Variants in LRP1B observed in about 807,000 individuals in gnomAD.
LRP1B encodes low-density lipoprotein receptor-related protein 1B.
A neutral mutation model predicts 556.6 loss-of-function variants in LRP1B; 217 were observed. The observed-to-expected ratio is 0.39, with a 90% CI of 0.35 to 0.44. The LOEUF (loss-of-function observed/expected upper bound fraction) is 0.44. Among genes scored for constraint, LRP1B ranks in the 20% least tolerant of loss-of-function variants. LRP1B has a pLI of 1.00. For synonymous variants in LRP1B, 2,047 were observed against 1,865.8 expected, an observed-to-expected ratio of 1.10 and a Z score of -2.50; for missense variants, 5,053 against 5,620.8, an observed-to-expected ratio of 0.90 and a Z score of 3.23.
intron 35 of LRP1B, among the ~76,000 whole-genome samples, chr2:140,730,872 A>T (rs547001152): frequency 6.6e-6 from 1 of 152,098 alleles, no homozygotes; most frequent in South Asian, 2.1e-4. Context: ...TATGTTATTC[A>T]GTTCCCAGAG....
intron 1 of LRP1B, among the ~76,000 whole-genome samples, chr2:142,080,801 C>T (rs1412008433): frequency 6.6e-6 from 1 of 152,170 alleles, no homozygotes; most frequent in Admixed American, 6.5e-5. Flanking sequence ...CTCCTGGATA[C>T]TACACTTACC....
intron 15 of LRP1B, among the ~76,000 whole-genome samples, chr2:141,001,949 C>A (rs891139062): frequency 2.0e-5 from 3 of 152,082 alleles, no homozygotes; most frequent in Non-Finnish European, 4.4e-5. Flanking sequence ...TAAAGCATAT[C>A]TTTTCTCCCA....
Position 141,100,417 on chromosome 2 carries a change from C to A in LRP1B, c.1014-38144G>T, listed in dbSNP as rs543472960. Among the ~76,000 whole-genome samples the A allele has an allele frequency of 3.3e-5, 5 of 152,222 alleles. No individual in the cohort carries two copies. In the East Asian group the frequency reaches 9.7e-4, roughly 29 times the overall value. On this transcript the variant is annotated intron_variant, in intron 7 of 90. Coordinates refer to ENST00000389484, the MANE Select transcript of LRP1B (RefSeq NM_018557.3). The stretch of plus-strand genomic sequence containing the variant: ...ACATCCTACAAGGATTGCAAATAAG[C>A]CTTATTTCCCTCAAACACCTTTTCC...
intron 42 of LRP1B, among the ~76,000 whole-genome samples, chr2:140,601,085 C>CAA (rs5834760): frequency 7.4e-5 from 10 of 135,810 alleles, no homozygotes; most frequent in African/African-American, 1.9e-4. Context: ...GATTAAAATG[C>CAA]AAAAAAAAAA....
intron 1 of LRP1B, among the ~76,000 whole-genome samples, chr2:141,826,187 AT>A (rs1229653349): frequency 6.6e-6 from 1 of 151,776 alleles, no homozygotes. Context: ...TATAGAAAAA[AT>A]ATATATAAAT....
At chr2:140,801,126 G>T (rs1010377612) in intron 32 of LRP1B, among the ~76,000 whole-genome samples, 1 of 152,060 alleles carries the variant, frequency 6.6e-6, no homozygotes, top group African/African-American at 2.4e-5. Flanking sequence ...AAAGTGTCTT[G>T]CTGTGTGTTA....
intron 3 of LRP1B, among the ~76,000 whole-genome samples, chr2:141,362,355 C>A (rs192156825): frequency 6.6e-6 from 1 of 152,112 alleles, no homozygotes; most frequent in Non-Finnish European, 1.5e-5. Flanking sequence ...TTGGGAAGAA[C>A]GGTCTTAACA....
chr2:141,311,047 C>T (rs1167152709), intron 3 of LRP1B, among the ~76,000 whole-genome samples: 1 of 152,152 alleles, frequency 6.6e-6, no homozygotes, highest in Non-Finnish European at 1.5e-5. Context: ...ATCCTTCTAT[C>T]TTGCCAGCAT....
chr2:140,850,717 T>C (rs1692431991), intron 28 of LRP1B, among the ~76,000 whole-genome samples: 1 of 152,224 alleles, frequency 6.6e-6, no homozygotes, highest in African/African-American at 2.4e-5. Context: ...ACAACTTTTT[T>C]CTATACTGTC....
chr2:141,022,285 C>T (rs1444744687), intron 11 of LRP1B, among the ~76,000 whole-genome samples: 1 of 147,258 alleles, frequency 6.8e-6, no homozygotes, highest in Non-Finnish European at 1.5e-5. Context: ...TCTGTTTGTG[C>T]TTTGATTTTT....
At chr2:141,030,722 A>T (rs1698343720) in intron 11 of LRP1B, among the ~76,000 whole-genome samples, 1 of 152,068 alleles carries the variant, frequency 6.6e-6, no homozygotes. Flanking sequence ...ATATTTCTTC[A>T]AGTTATCTAA....
chr2:140,380,090 C>T (rs1683405687), intron 67 of LRP1B, among the ~76,000 whole-genome samples: 1 of 152,076 alleles, frequency 6.6e-6, no homozygotes, highest in Non-Finnish European at 1.5e-5. Context: ...AATTAACTCA[C>T]CAGTGAATTT....
intron 1 of LRP1B, among the ~76,000 whole-genome samples, chr2:142,121,524 A>T (rs1472003024): frequency 6.6e-6 from 1 of 152,144 alleles, no homozygotes; most frequent in Non-Finnish European, 1.5e-5. Flanking sequence ...CAAGGGTTGC[A>T]TAGAAAATTC....
At chr2:140,339,225 A>G (rs1394796358) in intron 77 of LRP1B, among the ~76,000 whole-genome samples, 1 of 151,762 alleles carries the variant, frequency 6.6e-6, no homozygotes, top group African/African-American at 2.4e-5. Context: ...TTATAGGTGT[A>G]GATTGTAAGG....
At chr2:140,624,927 G>A (rs968836168) in intron 41 of LRP1B, among the ~76,000 whole-genome samples, 2 of 152,186 alleles carry the variant, frequency 1.3e-5, no homozygotes, top group Non-Finnish European at 2.9e-5. Flanking sequence ...CTAGGCAGAA[G>A]AAACAGCGTA....
At chr2:140,455,770 A>G (rs1427483852) in intron 62 of LRP1B, among the ~76,000 whole-genome samples, 1 of 152,182 alleles carries the variant, frequency 6.6e-6, no homozygotes, top group African/African-American at 2.4e-5. Flanking sequence ...CAAACATAGA[A>G]TTCTAAAAAT....
intron 41 of LRP1B, among the ~76,000 whole-genome samples, chr2:140,645,532 T>A (rs1316967849): frequency 1.4e-5 from 2 of 141,834 alleles, no homozygotes; most frequent in Non-Finnish European, 3.0e-5. Flanking sequence ...TTGCCAATAT[T>A]CTTTTTTTTT....
chr2:141,957,561 T>G (rs752963484), intron 1 of LRP1B, among the ~76,000 whole-genome samples: 2 of 151,984 alleles, frequency 1.3e-5, no homozygotes, highest in Non-Finnish European at 2.9e-5. Context: ...GTGTTTTGTC[T>G]TCCTCTCACT....
chr2:141,543,445 G>C (rs1574062896), intron 2 of LRP1B, among the ~76,000 whole-genome samples: 1 of 147,950 alleles, frequency 6.8e-6, no homozygotes, highest in African/African-American at 2.5e-5. Flanking sequence ...AGCCCGGGAG[G>C]CTGAAGTTGA....
Sources: allele counts gnomAD v4.1 joint callset (sites outside exome capture counted in the v4.1 genomes callset), GRCh38; gene constraint gnomAD v4.1.1; transcripts MANE v1.5; gene names NCBI Gene and HGNC (gene_info 2026-07-23, HGNC 2026-07-21).